Variants in LARP4B observed in about 807,000 individuals in gnomAD.
LARP4B encodes la-related protein 4B.
A neutral mutation model predicts 89.8 loss-of-function variants in LARP4B; 12 were observed. The ratio of observed to expected loss-of-function variants is 0.13; its 90% confidence interval spans 0.09 to 0.22. The LOEUF (loss-of-function observed/expected upper bound fraction) is 0.22, where lower values mean the gene tolerates loss of function less well. LARP4B is among the 10% of genes least tolerant of loss of function. The pLI is 1.00. For missense variants in LARP4B, 757 were observed against 947.7 expected (o/e 0.80, Z 2.64); for synonymous variants, 367 against 363.3 (o/e 1.01, Z -0.12).
chr10:865,476 C>T (rs1168037453), intron 3 of LARP4B, among the ~76,000 whole-genome samples: 1 of 152,190 alleles, frequency 6.6e-6, no homozygotes, highest in Admixed American at 6.5e-5. Context: ...GTGCTCACTG[C>T]TCCCTGGCCT....
the LARP4B span, among the ~76,000 whole-genome samples, chr10:973,697 T>G: frequency 7.3e-3 from 1,108 of 152,272 alleles, 18 homozygotes; most frequent in African/African-American, 0.025. Flanking sequence ...ACAGCCACAC[T>G]GGTTCCCGTT....
At chr10:945,542 G>T in the LARP4B span, among the ~76,000 whole-genome samples, 2 of 151,376 alleles carry the variant, frequency 1.3e-5, no homozygotes, top group African/African-American at 4.9e-5. Context: ...AAAAAAATTA[G>T]CCGGGCATGG....
intron 8 of LARP4B, among the ~76,000 whole-genome samples, chr10:835,221 T>C (rs182827513): frequency 7.2e-4 from 109 of 152,328 alleles, no homozygotes; most frequent in African/African-American, 2.5e-3. Flanking sequence ...CATACTTCTA[T>C]GAGAGTAATA....
chr10:936,660 T>A (rs1589004977), upstream of LARP4B, among the ~76,000 whole-genome samples: 2 of 152,130 alleles, frequency 1.3e-5, no homozygotes, highest in South Asian at 4.2e-4. Context: ...GAGGCTGAGG[T>A]TGCAGTGAGC....
chr10:830,927 A>G lies in LARP4B; in HGVS notation c.801T>C (p.Cys267=). The part of the protein sequence containing the change: ...KGDNLPKFIN[C]EFAYNDNWFI... ...ACCAATTATCATTATATGCAAATTCACAGTTTATAAATTTTGGTAAATTAT... is the reference window on the plus strand; with the variant it reads ...ACCAATTATCATTATATGCAAATTCGCAGTTTATAAATTTTGGTAAATTAT... Residue 267 remains cysteine (C), a synonymous_variant, in exon 9 of 18, where the codon TGT becomes TGC. Transcript: ENST00000316157. 7.1e-7 allele frequency: 1 copy of G among 1,410,534 alleles called. No homozygotes were observed. Among genetic ancestry groups the G allele is most frequent in the Non-Finnish European group, 1.0e-6 (1 of 998,724 alleles). 87.4% of individuals were successfully genotyped at this position (1,410,534 alleles called of 1,614,324 possible).
At chr10:886,874 G>A (rs1369323785) in intron 1 of LARP4B, among the ~76,000 whole-genome samples, 1 of 152,208 alleles carries the variant, frequency 6.6e-6, no homozygotes, top group African/African-American at 2.4e-5. Context: ...CAGATCACCT[G>A]AGGTCAGGAG....
rs1329435357 is a variant in LARP4B, at chr10:836,334, A to C, written c.750+69T>G. The stretch of plus-strand genomic sequence containing the variant: ...ACAGCCCAAAAAAACACAAAAGTAA[A>C]ATAAAATCAAAACCAACAAAGACCT... On this transcript the variant is annotated intron_variant, in intron 8 of 17. Coordinates refer to ENST00000316157, the MANE Select transcript of LARP4B (RefSeq NM_015155.3). 3 of 1,128,000 alleles carry C rather than the reference A, an allele frequency of 2.7e-6. No individual in the cohort carries two copies. In the Admixed American group the frequency reaches 6.2e-5, roughly 23 times the overall value. The allele number at this position is 1,128,000 out of a possible 1,614,324, so 69.9% of individuals were successfully genotyped here. A position where few individuals can be genotyped will look rare whatever the true frequency, so the allele number is the denominator to read the frequency against.
At chr10:919,977 C>T (rs1836935159) in intron 1 of LARP4B, among the ~76,000 whole-genome samples, 1 of 152,184 alleles carries the variant, frequency 6.6e-6, no homozygotes, top group African/African-American at 2.4e-5. Flanking sequence ...TCTAAAATGA[C>T]AAAACACTTA....
chr10:890,965 G>A (rs1205406218), intron 1 of LARP4B, among the ~76,000 whole-genome samples: 3 of 152,088 alleles, frequency 2.0e-5, no homozygotes, highest in African/African-American at 2.4e-5. Flanking sequence ...CATAGAAGGC[G>A]CTGTGGATGC....
chr10:969,927 A>G, the LARP4B span, among the ~76,000 whole-genome samples: 13 of 152,160 alleles, frequency 8.5e-5, no homozygotes, highest in Non-Finnish European at 1.5e-4. Context: ...GGCAGTCATG[A>G]GCCCACATGG....
At chr10:827,552 C>T (rs1364919504) in intron 11 of LARP4B, among the ~76,000 whole-genome samples, 1 of 152,184 alleles carries the variant, frequency 6.6e-6, no homozygotes, top group Non-Finnish European at 1.5e-5. Flanking sequence ...TGTTTTAGCA[C>T]AAGTAAAAGG....
intron 3 of LARP4B, among the ~76,000 whole-genome samples, chr10:879,313 T>A (rs1835577050): frequency 6.6e-6 from 1 of 152,200 alleles, no homozygotes; most frequent in Admixed American, 6.5e-5. Flanking sequence ...GTATCCCCCA[T>A]CCTGGGGCAA....
At chr10:893,563 G>A (rs906756410) in intron 1 of LARP4B, among the ~76,000 whole-genome samples, 1 of 152,182 alleles carries the variant, frequency 6.6e-6, no homozygotes, top group Non-Finnish European at 1.5e-5. Flanking sequence ...TGGACCTCAT[G>A]CTGTACTTAG....
At chr10:948,896 C>A in the LARP4B span, among the ~76,000 whole-genome samples, 3 of 152,298 alleles carry the variant, frequency 2.0e-5, no homozygotes, top group South Asian at 6.2e-4. Context: ...TAACCACACA[C>A]CGGTTCAAGG....
At position 812,267 on chromosome 10, in the gene LARP4B, G is replaced by A. The variant is rs17293531; in HGVS notation, c.*659C>T. The A allele has an allele frequency of 0.021, 3,247 of 152,774 alleles. 64 individuals carry two copies. Among genetic ancestry groups the A allele is most frequent in the Admixed American group, 0.06 (924 of 15,296 alleles). The allele number at this position is 152,774 out of a possible 1,614,324, so 9.5% of individuals were successfully genotyped here. On this transcript the variant is annotated 3_prime_UTR_variant, in exon 18 of 18. Transcript: ENST00000316157. The stretch of plus-strand genomic sequence containing the variant: ...CACTTGAAACTGGAGTGAGAAGCTG[G>A]TTACTTGCTTGCAGTGCATCAGAAC...
intron 1 of LARP4B, among the ~76,000 whole-genome samples, chr10:916,596 G>A (rs531473816): frequency 8.9e-4 from 136 of 152,314 alleles, no homozygotes; most frequent in African/African-American, 3.2e-3. Context: ...TTGGGAGGCC[G>A]TGGCAGGAGA....
the LARP4B span, among the ~76,000 whole-genome samples, chr10:956,005 G>A: frequency 6.6e-6 from 1 of 151,838 alleles, no homozygotes; most frequent in Admixed American, 6.6e-5. The surrounding 1 kb of genome is among the most constrained non-coding windows in gnomAD (Gnocchi z 4.3). Context: ...CCCACTTCCT[G>A]CCCCAGTGCC....
intron 3 of LARP4B, among the ~76,000 whole-genome samples, chr10:877,432 T>G (rs1835502725): frequency 1.3e-5 from 2 of 151,970 alleles, no homozygotes; most frequent in African/African-American, 2.4e-5. Flanking sequence ...AAGAGCTGAG[T>G]GTTTTAAATT....
Position 829,477 on chromosome 10 carries a change from G to C in LARP4B, c.1033C>G (p.Pro345Ala), listed in dbSNP as rs779627047. The C allele has an allele frequency of 1.2e-6, 2 of 1,614,202 alleles. No homozygotes were observed. The highest frequency in any genetic ancestry group is 1.7e-6 in the Non-Finnish European group (2 of 1,180,034). ...AACTGCTGCTGGGGGCTGTACATGG[G>C]AGGGAAGTAGAACGACGTCGCGTAG... is the stretch of plus-strand genomic sequence containing the variant. The part of the protein sequence containing the change: ...QRYATSFYFP[P>A]MYSPQQQFPL... Residue 345 changes from proline (P) to alanine (A), a missense_variant, in exon 11 of 18, where the codon CCC (proline) becomes GCC (alanine). By Grantham distance (27) the Pro-to-Ala change is conservative. Around this residue, in one of 5 missense-constraint regions of LARP4B, gnomAD observed 137 missense variants for 213.9 expected, o/e 0.64. Coordinates refer to ENST00000316157, the MANE Select transcript of LARP4B (RefSeq NM_015155.3).
Sources: allele counts gnomAD v4.1 joint callset (sites outside exome capture counted in the v4.1 genomes callset), GRCh38; gene constraint gnomAD v4.1.1; regional missense constraint gnomAD v4.1.1; non-coding constraint Gnocchi (gnomAD v3.1); transcripts MANE v1.5; gene names NCBI Gene and HGNC (gene_info 2026-07-23, HGNC 2026-07-21).